The following VWA2 variants were observed in gnomAD, a reference collection of about 807,000 sequenced individuals.
VWA2 encodes von Willebrand factor A domain containing 2.
VWA2 carries 73 observed loss-of-function variants against 70.4 expected under a neutral mutation model. The ratio of observed to expected loss-of-function variants is 1.04; its 90% CI spans 0.86 to 1.26. The LOEUF (loss-of-function observed/expected upper bound fraction) is 1.26. VWA2 is among the 50% of genes most tolerant of loss of function. VWA2 has a pLI of 0.00. For synonymous variants in VWA2, 407 were observed against 423.3 expected (o/e 0.96, Z 0.47); for missense variants, 1,011 against 998.5 (o/e 1.01, Z -0.17).
chr10:114,282,683 G>T (rs2038314912), intron 9 of VWA2, 112 bp downstream of exon 9: 8 of 903,048 alleles, frequency 8.9e-6, no homozygotes, highest in Non-Finnish European at 1.5e-5. Flanking sequence ...ACTGGCTCCA[G>T]GGCAGAGGGA....
intron 2 of VWA2, 105 bp downstream of exon 2, chr10:114,248,870 C>A (rs2037134178): frequency 4.7e-6 from 5 of 1,061,830 alleles, no homozygotes; most frequent in Non-Finnish European, 7.3e-6. Flanking sequence ...CTTGAATCCA[C>A]CTGCATCTCC....
At chr10:114,255,152 G>C in intron 4 of VWA2, 104 bp downstream of exon 4, 1 of 1,437,672 alleles carries the variant, frequency 7.0e-7, no homozygotes, top group Non-Finnish European at 9.6e-7. Context: ...GTGGAGCTGG[G>C]AAGACCAAGG....
intron 5 of VWA2, among the ~76,000 whole-genome samples, chr10:114,265,963 A>G (rs182584496): frequency 2.0e-5 from 3 of 152,294 alleles, no homozygotes; most frequent in Admixed American, 1.3e-4. Flanking sequence ...ACCTCCCCGG[A>G]GCACTTTGTT....
intron 5 of VWA2, among the ~76,000 whole-genome samples, chr10:114,266,859 T>C (rs868200964): frequency 6.6e-6 from 1 of 152,174 alleles, no homozygotes; most frequent in Non-Finnish European, 1.5e-5. Flanking sequence ...AACGTTTAAA[T>C]ATGGCTTTTG....
rs762854562 is a variant in VWA2 at position 114,253,683 on chromosome 10, G to C, written c.85G>C (p.Val29Leu). Residue 29 changes from valine (V) to leucine (L), a missense_variant, in exon 3 of 14, where the codon GTA becomes CTA. Coordinates refer to ENST00000392982, the MANE Select transcript of VWA2 (RefSeq NM_001272046.2). ...PPSLPLQEVHVSKETIGKISA... is the reference protein window; with the variant it reads ...PPSLPLQEVHLSKETIGKISA... Reference sequence around the variant, plus strand: ...ATCTCTCCCTCTCCAGGAAGTCCATGTAAGCAAAGAAACCATCGGGAAGAT... The same window carrying C: ...ATCTCTCCCTCTCCAGGAAGTCCATCTAAGCAAAGAAACCATCGGGAAGAT... 6.2e-7 allele frequency: 1 copy of C among 1,612,372 alleles called. No homozygotes were observed. Among genetic ancestry groups the C allele is most frequent in the South Asian group, 1.1e-5 (1 of 91,038 alleles).
At chr10:114,269,506 A>T (rs1287993638) in intron 5 of VWA2, among the ~76,000 whole-genome samples, 1 of 152,150 alleles carries the variant, frequency 6.6e-6, no homozygotes, top group Non-Finnish European at 1.5e-5. Flanking sequence ...GCTTAAGCCC[A>T]GGTGGTGGAG....
In VWA2 at chr10:114,239,569, G is replaced by A. The variant is rs1002717863; in HGVS notation, c.-11G>A. 10 of 152,274 alleles carry A rather than the reference G, an allele frequency of 6.6e-5. No homozygotes were observed. The highest frequency in any genetic ancestry group is 2.4e-4 in the African/African-American group (10 of 41,458). The allele number at this position is 152,274 out of a possible 1,614,324, so 9.4% of individuals were successfully genotyped here. ...GAGCGCTGGTCGCCGCTCTCCTTCC[G>A]GTGAGTCCCAGCCCCGAGTTGGCTC... On this transcript the variant is annotated splice_region_variant and 5_prime_UTR_variant, in exon 1 of 14. Transcript: ENST00000392982.
At chr10:114,258,202 A>G (rs1367028344) in intron 4 of VWA2, among the ~76,000 whole-genome samples, 4 of 152,100 alleles carry the variant, frequency 2.6e-5, no homozygotes, top group African/African-American at 7.2e-5. Flanking sequence ...TTGCTGCTGC[A>G]TTTTTTTGTA....
In VWA2 at chr10:114,263,083, T is replaced by C. The variant is rs143658156; in HGVS notation, c.371+1788T>C. On this transcript the variant is annotated intron_variant, in intron 5 of 13. Transcript: ENST00000392982. Reference sequence around the variant, plus strand: ...TAGGCTGGAGTGCAGTGGTGCTATATTGGCTCACTGCAACCTCCACCTCCC... The same window carrying C: ...TAGGCTGGAGTGCAGTGGTGCTATACTGGCTCACTGCAACCTCCACCTCCC... Among the ~76,000 whole-genome samples the C allele has an allele frequency of 2.2e-4, 33 of 152,304 alleles. No individual in the cohort carries two copies. In the East Asian group the frequency reaches 6.2e-3, roughly 29 times the overall value.
intron 1 of VWA2, among the ~76,000 whole-genome samples, chr10:114,241,026 TAGTC>T (rs1564709426): frequency 1.3e-5 from 2 of 152,180 alleles, no homozygotes; most frequent in South Asian, 2.1e-4. Flanking sequence ...ATCCGAATCA[TAGTC>T]AGAAGCCCAT....
chr10:114,279,726 G>C (rs1407798412), intron 8 of VWA2, among the ~76,000 whole-genome samples: 1 of 152,218 alleles, frequency 6.6e-6, no homozygotes, highest in Non-Finnish European at 1.5e-5. Flanking sequence ...CACTTTCTAA[G>C]TGCCTGCTCA....
At chr10:114,284,544 T>G (rs971243463) in intron 9 of VWA2, among the ~76,000 whole-genome samples, 1 of 152,220 alleles carries the variant, frequency 6.6e-6, no homozygotes, top group South Asian at 2.1e-4. Flanking sequence ...GCACCGCAGC[T>G]CTCTCTCAGT....
intron 5 of VWA2, among the ~76,000 whole-genome samples, chr10:114,268,705 T>C (rs28527254): frequency 8.4e-6 from 1 of 119,048 alleles, no homozygotes; most frequent in Admixed American, 7.8e-5. Flanking sequence ...TTTCTTTTTT[T>C]TTTTTTTGAG....
intron 5 of VWA2, among the ~76,000 whole-genome samples, chr10:114,271,320 T>C (rs2037702691): frequency 6.6e-6 from 1 of 152,234 alleles, no homozygotes; most frequent in Non-Finnish European, 1.5e-5. Context: ...TTGACACTTT[T>C]TAACTTTATG....
At chr10:114,242,363 A>G (rs11597454) in intron 1 of VWA2, among the ~76,000 whole-genome samples, 38,312 of 152,078 alleles carry the variant, frequency 0.25, 5,128 homozygotes, top group African/African-American at 0.33. Context: ...ATGCTCAGGT[A>G]TCCTGCCATC....
intron 5 of VWA2, among the ~76,000 whole-genome samples, chr10:114,266,537 T>C (rs2037571183): frequency 6.6e-6 from 1 of 152,110 alleles, no homozygotes; most frequent in Admixed American, 6.5e-5. Flanking sequence ...TTTGAGGTAG[T>C]GAAGAAACCA....
rs140567963 is a variant in VWA2, at chr10:114,289,158, C to T, written c.1791C>T (p.Ala597=). Residue 597 remains alanine, a synonymous_variant, in exon 12 of 14, where the codon GCC becomes GCT. Transcript: ENST00000392982. The stretch of plus-strand genomic sequence containing the variant: ...CCACCCGGGCTGCGATGCTGCGGGC[C>T]ATTAGCCAGGCCCCCTACCTAGGTG... ...TKPTRAAMLR[A]ISQAPYLGGV... The T allele has an allele frequency of 3.2e-5, 52 of 1,613,826 alleles. 1 individual carries two copies. In the Admixed American group the frequency reaches 6.8e-4, roughly 21 times the overall value.
At chr10:114,256,990 T>C (rs377109649) in intron 4 of VWA2, among the ~76,000 whole-genome samples, 24 of 151,598 alleles carry the variant, frequency 1.6e-4, no homozygotes, top group Middle Eastern at 3.4e-3. Context: ...ACTGGTTGCA[T>C]ACAGGTTGAG....
At chr10:114,248,462 TG>T (rs1564712754) in intron 1 of VWA2, among the ~76,000 whole-genome samples, 1 of 152,130 alleles carries the variant, frequency 6.6e-6, no homozygotes, top group Non-Finnish European at 1.5e-5. Context: ...GGGGTGCATT[TG>T]GGGGTGGATG....
Sources: gnomAD v4.1 joint callset for allele counts (sites outside exome capture counted in the v4.1 genomes callset) on GRCh38, gnomAD v4.1.1 for gene constraint, MANE v1.5 for transcripts, NCBI Gene and HGNC (gene_info 2026-07-23, HGNC 2026-07-21) for gene names.